Variants in RYR2 observed in about 807,000 individuals in gnomAD.
RYR2 encodes the protein cardiac muscle ryanodine receptor-calcium release channel.
Under a neutral mutation model 601.1 loss-of-function variants are expected in RYR2, and 227 were observed. The ratio of observed to expected loss-of-function variants is 0.38; its 90% CI spans 0.34 to 0.42. RYR2 has a LOEUF of 0.42. Among genes scored for constraint, RYR2 ranks in the 10% least tolerant of loss-of-function variants. The pLI, the probability that RYR2 is intolerant of heterozygous loss-of-function variation, is 1.00. For missense variants in RYR2, 4,646 were observed against 6,156.5 expected (o/e 0.75, Z 8.21); for synonymous variants, 2,223 against 2,175.1 (o/e 1.02, Z -0.61).
intron 16 of RYR2, among the ~76,000 whole-genome samples, chr1:237,467,187 T>A (rs1660177651): frequency 6.8e-6 from 1 of 148,100 alleles, no homozygotes; most frequent in African/African-American, 2.4e-5. Context: ...ATATATTATA[T>A]ATATACCTAT....
At chr1:237,700,163 C>T in intron 64 of RYR2, 66 bp from the exon 65 acceptor site, 1 of 1,022,728 alleles carries the variant, frequency 9.8e-7, no homozygotes, top group Non-Finnish European at 1.4e-6. Context: ...ATAAGAGAAC[C>T]ACAATTCATT....
intron 10 of RYR2, among the ~76,000 whole-genome samples, chr1:237,400,652 T>C (rs2149927870): frequency 6.6e-6 from 1 of 152,320 alleles, no homozygotes. Flanking sequence ...TTCATAATAA[T>C]AGTAGACATT....
chr1:237,738,761 A>C (rs571128345), intron 79 of RYR2, among the ~76,000 whole-genome samples: 1 of 151,892 alleles, frequency 6.6e-6, no homozygotes, highest in African/African-American at 2.4e-5. Flanking sequence ...TCGTTGATAG[A>C]CTTTTGTATC....
intron 1 of RYR2, among the ~76,000 whole-genome samples, chr1:237,147,700 C>T (rs967041221): frequency 6.6e-6 from 1 of 152,224 alleles, no homozygotes; most frequent in African/African-American, 2.4e-5. Context: ...TTTGTACATT[C>T]TCCTCATGGT....
At chr1:237,342,319 T>C (rs1045868896) in intron 3 of RYR2, among the ~76,000 whole-genome samples, 2 of 150,804 alleles carry the variant, frequency 1.3e-5, no homozygotes, top group Non-Finnish European at 3.0e-5. Flanking sequence ...ATTAATTTTT[T>C]TTTTTTTTTT....
At chr1:237,131,529 A>T (rs560592117) in intron 1 of RYR2, among the ~76,000 whole-genome samples, 6 of 152,298 alleles carry the variant, frequency 3.9e-5, no homozygotes, top group African/African-American at 1.4e-4. Context: ...TATGATTAAT[A>T]AGTTGAAGGA....
rs1685786232 is a variant in RYR2, at chr1:237,680,583, C to T, written c.9017+6C>T. The T allele has an allele frequency of 5.0e-6, 8 of 1,592,044 alleles. No individual in the cohort carries two copies. Among genetic ancestry groups the T allele is most frequent in the Non-Finnish European group, 6.8e-6 (8 of 1,168,650 alleles). The stretch of plus-strand genomic sequence containing the variant: ...GAGAAAGAAATGGTGACTAGGTAAA[C>T]AGCTATAAAAATAAGCACTGTTGTA... On this transcript the variant is annotated splice_donor_region_variant and intron_variant, in intron 62 of 104. Coordinates refer to ENST00000366574, the MANE Select transcript of RYR2 (RefSeq NM_001035.3).
Position 237,660,879 on chromosome 1 carries a change from G to GTTTTTT in RYR2, c.8368_8369insTTTTTT (p.Glu2790delinsValPheTer). On this transcript the variant is annotated stop_gained and protein_altering_variant, in exon 56 of 105. Coordinates refer to ENST00000366574, the MANE Select transcript of RYR2 (RefSeq NM_001035.3). LOFTEE classifies it high-confidence loss of function. ...TATGCTGGCTTGGGGCTGGAGAATT[G>GTTTTTT]AAAGAACTCGGGAGGGAGACAGCAT... The GTTTTTT allele has an allele frequency of 6.5e-7, 1 of 1,541,774 alleles. No individual in the cohort carries two copies. Among genetic ancestry groups the GTTTTTT allele is most frequent in the Non-Finnish European group, 8.8e-7 (1 of 1,141,162 alleles).
chr1:237,193,256 G>A (rs1360660742), intron 1 of RYR2, among the ~76,000 whole-genome samples: 2 of 151,852 alleles, frequency 1.3e-5, no homozygotes, highest in Non-Finnish European at 2.9e-5. Flanking sequence ...ACGAGGTCAG[G>A]AGATCGAGAC....
chr1:237,536,407 T>C (rs1289927646), intron 25 of RYR2, among the ~76,000 whole-genome samples: 1 of 150,528 alleles, frequency 6.6e-6, no homozygotes, highest in African/African-American at 2.4e-5. Flanking sequence ...CCGTCTCTAC[T>C]AAAAAATACA....
intron 1 of RYR2, among the ~76,000 whole-genome samples, chr1:237,188,413 A>G (rs2148986266): frequency 6.6e-6 from 1 of 152,322 alleles, no homozygotes; most frequent in Non-Finnish European, 1.5e-5. Context: ...GCGTGACCTC[A>G]GGATGTGACT....
At chr1:237,809,458 A>G (rs536403224) in intron 100 of RYR2, among the ~76,000 whole-genome samples, 14 of 152,294 alleles carry the variant, frequency 9.2e-5, no homozygotes, top group Admixed American at 7.8e-4. Flanking sequence ...TTGCTTTTAT[A>G]TTGAGTATCT....
chr1:237,502,335 CGTT>C (rs1230284366), intron 21 of RYR2, among the ~76,000 whole-genome samples: 1 of 152,078 alleles, frequency 6.6e-6, no homozygotes, highest in Non-Finnish European at 1.5e-5. Context: ...AGTTCTTTTT[CGTT>C]GTTGAGATTG....
intron 1 of RYR2, among the ~76,000 whole-genome samples, chr1:237,051,308 CTT>C (rs1215087909): frequency 1.3e-4 from 17 of 130,788 alleles, no homozygotes; most frequent in South Asian, 5.7e-4. Context: ...CTCTCTTTCT[CTT>C]TATCTCTCTC....
At chr1:237,060,524 T>C (rs939554764) in intron 1 of RYR2, among the ~76,000 whole-genome samples, 3 of 152,246 alleles carry the variant, frequency 2.0e-5, no homozygotes, top group African/African-American at 7.2e-5. Flanking sequence ...CATTAATGCA[T>C]TGAATGTTAC....
chr1:237,464,664 T>TA (rs1033824849), intron 16 of RYR2, among the ~76,000 whole-genome samples: 1 of 152,192 alleles, frequency 6.6e-6, no homozygotes, highest in Non-Finnish European at 1.5e-5. Flanking sequence ...AAGAAATTTC[T>TA]AAAAAACACA....
intron 45 of RYR2, 126 bp from the exon 46 acceptor site, chr1:237,638,889 G>T: frequency 9.1e-7 from 1 of 1,093,924 alleles, no homozygotes; most frequent in Non-Finnish European, 1.3e-6. Flanking sequence ...ATTACATTTT[G>T]GCTTTATTAG....
chr1:237,507,930 C>T lies in RYR2; in HGVS notation c.2718+1116C>T, dbSNP rs368246344. Among the ~76,000 whole-genome samples, 6 of 152,314 alleles carry T rather than the reference C, an allele frequency of 3.9e-5. No individual in the cohort carries two copies. The East Asian group carries it at 9.6e-4, about 24-fold the overall frequency. On this transcript the variant is annotated intron_variant, in intron 23 of 104. Transcript: ENST00000366574. Reference sequence around the variant, plus strand: ...GTTAGACATTTGTTACACCAACAAACACTTGGGTACCTAGTTTTGTGCTAC... The same window carrying T: ...GTTAGACATTTGTTACACCAACAAATACTTGGGTACCTAGTTTTGTGCTAC...
At chr1:237,665,189 A>G (rs938319924) in intron 56 of RYR2, among the ~76,000 whole-genome samples, 4 of 152,074 alleles carry the variant, frequency 2.6e-5, no homozygotes, top group African/African-American at 9.7e-5. Context: ...TCACAAGGTC[A>G]GGAGTTTGAG....
Sources: gnomAD v4.1 joint callset for allele counts (sites outside exome capture counted in the v4.1 genomes callset) on GRCh38, gnomAD v4.1.1 for gene constraint, MANE v1.5 for transcripts, NCBI Gene and HGNC (gene_info 2026-07-23, HGNC 2026-07-21) for gene names.